Variants in GUCY1A2 observed in about 807,000 individuals in gnomAD.
GUCY1A2 encodes the protein guanylate cyclase soluble subunit alpha-2.
GUCY1A2 carries 27 observed loss-of-function variants against 63.5 expected under a neutral mutation model. The ratio of observed to expected loss-of-function variants is 0.43; its 90% CI spans 0.31 to 0.59. GUCY1A2 has a LOEUF of 0.59. Among genes scored for constraint, GUCY1A2 ranks in the 20% least tolerant of loss-of-function variants. The pLI is 0.11. For synonymous variants in GUCY1A2, 364 were observed against 343.5 expected, an observed-to-expected ratio of 1.06 and a Z score of -0.66; for missense variants, 768 against 913.3, an observed-to-expected ratio of 0.84 and a Z score of 2.05.
chr11:106,823,770 TATG>T (rs1448025308), intron 4 of GUCY1A2, among the ~76,000 whole-genome samples: 9 of 152,180 alleles, frequency 5.9e-5, no homozygotes, highest in African/African-American at 2.2e-4. Context: ...CTGACTGGTG[TATG>T]ATGATGTCTT....
chr11:106,851,031 AT>A (rs1859346759), intron 4 of GUCY1A2, among the ~76,000 whole-genome samples: 1 of 151,862 alleles, frequency 6.6e-6, no homozygotes, highest in African/African-American at 2.4e-5. Context: ...GATAATAGCC[AT>A]TCTAACTGGA....
At chr11:106,881,450 C>A (rs1214086667) in intron 4 of GUCY1A2, among the ~76,000 whole-genome samples, 1 of 151,992 alleles carries the variant, frequency 6.6e-6, no homozygotes, top group East Asian at 1.9e-4. Flanking sequence ...AACTTGCTTG[C>A]AAATTCACAA....
At chr11:106,975,157 A>C (rs1861245752) in intron 3 of GUCY1A2, among the ~76,000 whole-genome samples, 1 of 152,098 alleles carries the variant, frequency 6.6e-6, no homozygotes. Context: ...GAGACTATGC[A>C]ATTTATCATC....
intron 4 of GUCY1A2, among the ~76,000 whole-genome samples, chr11:106,910,867 C>T (rs1860284030): frequency 6.6e-6 from 1 of 151,908 alleles, no homozygotes; most frequent in African/African-American, 2.4e-5. Context: ...TGTAACCTAC[C>T]CTAGCTAACA....
At chr11:106,722,178 T>C (rs1053401370) in intron 6 of GUCY1A2, among the ~76,000 whole-genome samples, 8 of 152,174 alleles carry the variant, frequency 5.3e-5, no homozygotes, top group African/African-American at 1.9e-4. Context: ...CCAAAGGGAC[T>C]GGATGCTCAT....
intron 6 of GUCY1A2, among the ~76,000 whole-genome samples, chr11:106,716,630 G>A (rs1243682971): frequency 2.6e-5 from 4 of 151,870 alleles, no homozygotes; most frequent in Non-Finnish European, 5.9e-5. Context: ...TTAGCTGAGC[G>A]TGGTGGAGGA....
At chr11:106,978,474 G>T in intron 3 of GUCY1A2, 145 bp downstream of exon 3, 1 of 555,160 alleles carries the variant, frequency 1.8e-6, no homozygotes, top group South Asian at 2.8e-5. Flanking sequence ...CTTCAGGAGA[G>T]TTAACACCCA....
intron 1 of GUCY1A2, among the ~76,000 whole-genome samples, chr11:107,009,314 CCTTTTT>C (rs1861713071): frequency 6.6e-6 from 1 of 152,110 alleles, no homozygotes; most frequent in South Asian, 2.1e-4. Flanking sequence ...TCTCCCTTTA[CCTTTTT>C]AATTTTTCAT....
chr11:106,922,376 A>C (rs1015424633), intron 4 of GUCY1A2, among the ~76,000 whole-genome samples: 2 of 151,986 alleles, frequency 1.3e-5, no homozygotes. Context: ...CTGGGTGCTA[A>C]AGAAACACAG....
At chr11:106,700,687 G>A (rs1439247136) in intron 7 of GUCY1A2, among the ~76,000 whole-genome samples, 1 of 152,054 alleles carries the variant, frequency 6.6e-6, no homozygotes, top group African/African-American at 2.4e-5. Context: ...ATAGAGAAAA[G>A]GATAAGATGA....
At chr11:106,778,107 A>G (rs1242885079) in intron 5 of GUCY1A2, among the ~76,000 whole-genome samples, 2 of 152,178 alleles carry the variant, frequency 1.3e-5, no homozygotes, top group East Asian at 3.9e-4. Flanking sequence ...ATTATCCACA[A>G]TAGAGATGGT....
intron 4 of GUCY1A2, among the ~76,000 whole-genome samples, chr11:106,853,690 TGTAA>T (rs1447493645): frequency 6.6e-6 from 1 of 152,186 alleles, no homozygotes; most frequent in Non-Finnish European, 1.5e-5. Context: ...TATGTTCCTT[TGTAA>T]GTGTCATGTT....
Position 106,684,161 on chromosome 11 carries a change from CTG to C in GUCY1A2, c.*3386_*3387del, listed in dbSNP as rs1158599591. 1.1e-5 allele frequency: 2 copies of C among 184,352 alleles called. No individual in the cohort carries two copies. The highest frequency in any genetic ancestry group is 2.3e-5 in the Non-Finnish European group (2 of 86,908). 11.4% of individuals were successfully genotyped at this position (184,352 alleles called of 1,614,324 possible). On this transcript the variant is annotated 3_prime_UTR_variant, in exon 8 of 8. Transcript: ENST00000526355. ...CTGGACAAGAGGAAGGAGTGCAAGA[CTG>C]TAAGAAACAACATTTGAAGTGCTGA...
Position 106,863,586 on chromosome 11 carries a change from T to C in GUCY1A2, c.1207-53108A>G, listed in dbSNP as rs149099025. Among the ~76,000 whole-genome samples the C allele has an allele frequency of 3.8e-3, 576 of 152,266 alleles. 7 individuals carry two copies. The highest frequency in any genetic ancestry group is 0.013 in the African/African-American group (540 of 41,538). On this transcript the variant is annotated intron_variant, in intron 4 of 7. Coordinates refer to ENST00000526355, the MANE Select transcript of GUCY1A2 (RefSeq NM_000855.3). ...GTCAGGTAGCACGCCTCCAGCTTTG[T>C]TCTTTTTGCTTAGGATTGTCTTGGC... is the stretch of plus-strand genomic sequence containing the variant.
At chr11:106,807,567 C>T (rs979210972) in intron 5 of GUCY1A2, among the ~76,000 whole-genome samples, 1 of 152,176 alleles carries the variant, frequency 6.6e-6, no homozygotes, top group Non-Finnish European at 1.5e-5. Context: ...GCCCTATACA[C>T]CTATCCTAGA....
At chr11:106,926,017 T>C (rs1454205783) in intron 4 of GUCY1A2, among the ~76,000 whole-genome samples, 1 of 152,162 alleles carries the variant, frequency 6.6e-6, no homozygotes, top group Non-Finnish European at 1.5e-5. Flanking sequence ...GTATGATCTG[T>C]AAAAGTAAAT....
At chr11:106,717,029 A>G (rs747130317) in intron 6 of GUCY1A2, among the ~76,000 whole-genome samples, 2 of 152,108 alleles carry the variant, frequency 1.3e-5, no homozygotes, top group Non-Finnish European at 2.9e-5. Flanking sequence ...CAGAGATGCC[A>G]AGTTCATGGT....
intron 6 of GUCY1A2, among the ~76,000 whole-genome samples, chr11:106,716,525 G>A (rs1235460540): frequency 6.6e-6 from 1 of 152,058 alleles, no homozygotes; most frequent in East Asian, 1.9e-4. Context: ...CCCGTTCTCA[G>A]CTCCGCAGGT....
intron 6 of GUCY1A2, among the ~76,000 whole-genome samples, chr11:106,728,332 C>T (rs1591250530): frequency 1.3e-5 from 2 of 152,154 alleles, no homozygotes; most frequent in African/African-American, 2.4e-5. Flanking sequence ...TTTATCATCC[C>T]ATCCTCTCTG....
Sources: gnomAD v4.1 joint callset for allele counts (sites outside exome capture counted in the v4.1 genomes callset) on GRCh38, gnomAD v4.1.1 for gene constraint, MANE v1.5 for transcripts, NCBI Gene and HGNC (gene_info 2026-07-23, HGNC 2026-07-21) for gene names.